NIPSNAP2: variants seen among roughly 807,000 people sequenced by gnomAD.
NIPSNAP2 encodes nipsnap homolog 2, also known as protein NipSnap homolog 2.
In NIPSNAP2, 42 loss-of-function variants were observed where a neutral mutation model predicts 48.4. The ratio of observed to expected loss-of-function variants is 0.87; its 90% CI spans 0.68 to 1.12. NIPSNAP2 has a LOEUF of 1.12. Among genes scored for constraint, NIPSNAP2 ranks in the 50% most tolerant of loss-of-function variants. NIPSNAP2 has a pLI of 0.00. For synonymous variants in NIPSNAP2, 158 were observed against 126.6 expected (o/e 1.25, Z -1.67); for missense variants, 314 against 347.3 (o/e 0.90, Z 0.76).
chr7:55,989,007 G>T (rs1787390132), intron 7 of NIPSNAP2, among the ~76,000 whole-genome samples: 1 of 152,084 alleles, frequency 6.6e-6, no homozygotes, highest in Non-Finnish European at 1.5e-5. Context: ...GATCATCAAA[G>T]GCTAAATAAT....
At chr7:55,996,234 C>G (rs1163677738) in intron 8 of NIPSNAP2, among the ~76,000 whole-genome samples, 1 of 148,240 alleles carries the variant, frequency 6.7e-6, no homozygotes, top group East Asian at 2.0e-4. Flanking sequence ...TGCAGTGAGC[C>G]GAGATCGCAC....
chr7:55,988,480 G>A (rs1193073207), intron 7 of NIPSNAP2, among the ~76,000 whole-genome samples: 1 of 152,122 alleles, frequency 6.6e-6, no homozygotes, highest in Admixed American at 6.6e-5. Context: ...TGTTAGTGAG[G>A]TGAGGAGAAA....
At chr7:55,994,096 A>C (rs1213275783) in intron 7 of NIPSNAP2, among the ~76,000 whole-genome samples, 2 of 152,092 alleles carry the variant, frequency 1.3e-5, no homozygotes, top group Non-Finnish European at 2.9e-5. Context: ...AGCTGCTTTG[A>C]AGGTGTGCTT....
At chr7:55,966,058 C>T (rs960804876) in intron 1 of NIPSNAP2, among the ~76,000 whole-genome samples, 4 of 152,084 alleles carry the variant, frequency 2.6e-5, no homozygotes, top group Non-Finnish European at 5.9e-5. Context: ...GTGAATAAGG[C>T]GTCCAAGGCC....
At chr7:55,995,024 A>G in intron 8 of NIPSNAP2, 36 bp downstream of exon 8, 1 of 1,541,174 alleles carries the variant, frequency 6.5e-7, no homozygotes, top group Non-Finnish European at 9.0e-7. Context: ...ACTGGGATTT[A>G]AGAGTTCATT....
chr7:55,967,284 C>T (rs970136229), intron 1 of NIPSNAP2, among the ~76,000 whole-genome samples: 2 of 152,234 alleles, frequency 1.3e-5, no homozygotes, highest in African/African-American at 4.8e-5. Context: ...ACCAGATGGT[C>T]TTCCCCAAGC....
At chr7:55,974,272 G>A (rs200254102) in intron 1 of NIPSNAP2, among the ~76,000 whole-genome samples, 1 of 62,392 alleles carries the variant, frequency 1.6e-5, no homozygotes. Context: ...AAAAAAGAAA[G>A]AAAGAAAGAA....
intron 7 of NIPSNAP2, among the ~76,000 whole-genome samples, chr7:55,993,612 T>C (rs1787494837): frequency 6.8e-6 from 1 of 148,102 alleles, no homozygotes; most frequent in African/African-American, 2.5e-5. Flanking sequence ...TGATGTCATG[T>C]GCCCATAACC....
chr7:55,997,347 C>G lies in NIPSNAP2; in HGVS notation c.713-19C>G. 6.3e-7 allele frequency: 1 copy of G among 1,588,754 alleles called. No individual in the cohort carries two copies. Among genetic ancestry groups the G allele is most frequent in the Non-Finnish European group, 8.6e-7 (1 of 1,157,156 alleles). Reference sequence around the variant, plus strand: ...TGTATGTGTTTTAAGTCTTACTTCTCTGTGTGGTTATTTTTAAGCTTACAG... The same window carrying G: ...TGTATGTGTTTTAAGTCTTACTTCTGTGTGTGGTTATTTTTAAGCTTACAG... On this transcript the variant is annotated intron_variant, in intron 8 of 9. Coordinates refer to ENST00000322090, the MANE Select transcript of NIPSNAP2 (RefSeq NM_001483.3).
intron 8 of NIPSNAP2, 71 bp downstream of exon 8, chr7:55,995,059 C>A (rs1787530556): frequency 7.8e-7 from 1 of 1,279,720 alleles, no homozygotes; most frequent in Non-Finnish European, 1.1e-6. Flanking sequence ...GGAAGTAGAG[C>A]ACATCTTGAG....
intron 1 of NIPSNAP2, among the ~76,000 whole-genome samples, chr7:55,977,068 G>T (rs1040039733): frequency 6.8e-6 from 1 of 148,016 alleles, no homozygotes; most frequent in Non-Finnish European, 1.5e-5. Flanking sequence ...AAAAATTTTT[G>T]ATTTTTAAAG....
At chr7:55,988,169 C>T (rs1471490260) in intron 7 of NIPSNAP2, among the ~76,000 whole-genome samples, 3 of 151,530 alleles carry the variant, frequency 2.0e-5, no homozygotes, top group South Asian at 4.2e-4. Flanking sequence ...GGCTGAGGCA[C>T]GAGAATCACT....
chr7:55,994,162 A>T (rs1037554371), intron 7 of NIPSNAP2, among the ~76,000 whole-genome samples: 4 of 152,074 alleles, frequency 2.6e-5, no homozygotes, highest in Admixed American at 2.0e-4. Context: ...TCCCTTGGGT[A>T]CAGTGCCCTG....
At chr7:55,992,988 T>C (rs991162766) in intron 7 of NIPSNAP2, among the ~76,000 whole-genome samples, 10 of 152,046 alleles carry the variant, frequency 6.6e-5, no homozygotes, top group Non-Finnish European at 1.3e-4. Context: ...TTTTTTTAAG[T>C]GGTGCAAGTA....
chr7:55,991,545 G>A (rs1377216190), intron 7 of NIPSNAP2, among the ~76,000 whole-genome samples: 1 of 151,868 alleles, frequency 6.6e-6, no homozygotes, highest in Admixed American at 6.6e-5. Context: ...TCAGAAGTTC[G>A]AGACCAGCCT....
intron 4 of NIPSNAP2, chr7:55,981,828 C>G: frequency 2.5e-6 from 1 of 401,856 alleles, no homozygotes; most frequent in Non-Finnish European, 4.5e-6. Context: ...TTTTTTGAGA[C>G]AGAGTCTTGC....
intron 5 of NIPSNAP2, among the ~76,000 whole-genome samples, chr7:55,983,136 A>C (rs534675704): frequency 7.2e-6 from 1 of 138,908 alleles, no homozygotes; most frequent in East Asian, 2.1e-4. Flanking sequence ...AAAACAACAC[A>C]AAAAAAACCC....
At chr7:55,990,307 C>A (rs867448181) in intron 7 of NIPSNAP2, among the ~76,000 whole-genome samples, 17 of 150,704 alleles carry the variant, frequency 1.1e-4, no homozygotes, top group African/African-American at 3.9e-4. Context: ...CGGCTCACTG[C>A]AAGCTCCGCC....
At chr7:55,968,012 C>T (rs1277343719) in intron 1 of NIPSNAP2, among the ~76,000 whole-genome samples, 2 of 152,058 alleles carry the variant, frequency 1.3e-5, no homozygotes, top group Non-Finnish European at 2.9e-5. Context: ...TAGTCTCAAA[C>T]TCCTGGCCTC....
Sources: allele counts gnomAD v4.1 joint callset (sites outside exome capture counted in the v4.1 genomes callset), GRCh38; gene constraint gnomAD v4.1.1; transcripts MANE v1.5; gene names NCBI Gene and HGNC (gene_info 2026-07-23, HGNC 2026-07-21).